NR2C2: variants seen among roughly 807,000 people sequenced by gnomAD.
NR2C2 encodes the protein nuclear receptor subfamily 2 group C member 2, also known as Nuclear hormone receptor TR4.
NR2C2 carries 6 observed loss-of-function variants against 62.9 expected under a neutral mutation model. The ratio of observed to expected loss-of-function variants is 0.10; its 90% confidence interval spans 0.05 to 0.19. NR2C2 has a LOEUF of 0.19. Among genes scored for constraint, NR2C2 ranks in the 10% least tolerant of loss-of-function variants. The pLI is 1.00. For synonymous variants in NR2C2, 272 were observed against 273.8 expected, an observed-to-expected ratio of 0.99 and a Z score of 0.07; for missense variants, 479 against 762.7, an observed-to-expected ratio of 0.63 and a Z score of 4.38.
At chr3:15,012,303 T>G (rs938388451) in intron 2 of NR2C2, among the ~76,000 whole-genome samples, 3 of 152,032 alleles carry the variant, frequency 2.0e-5, no homozygotes, top group Non-Finnish European at 4.4e-5. Flanking sequence ...CTCAGCTCAC[T>G]GCAAACTCTG....
intron 1 of NR2C2, among the ~76,000 whole-genome samples, chr3:15,002,484 T>A (rs2124922330): frequency 6.6e-6 from 1 of 152,196 alleles, no homozygotes; most frequent in South Asian, 2.1e-4. Context: ...TAGAGTTTTG[T>A]AGAGGATTGT....
Position 15,008,778 on chromosome 3 carries a change from C to T in NR2C2, c.72+4792C>T, listed in dbSNP as rs569511377. Among the ~76,000 whole-genome samples, 75 of 152,292 alleles carry T rather than the reference C, an allele frequency of 4.9e-4. No homozygotes were observed. In the Middle Eastern group the frequency reaches 0.034, roughly 69 times the overall value. On this transcript the variant is annotated intron_variant, in intron 2 of 13. Coordinates refer to ENST00000425241, the MANE Select transcript of NR2C2 (RefSeq NM_001291694.2). ...TGATGTGTGTTCCTGAAAATTCCCA[C>T]ACTTTGCCAAATTGTGTGATGAAAA...
At chr3:15,024,405 G>T (rs1271342641) in intron 7 of NR2C2, among the ~76,000 whole-genome samples, 197 bp downstream of exon 7, 2 of 152,196 alleles carry the variant, frequency 1.3e-5, no homozygotes, top group African/African-American at 4.8e-5. Flanking sequence ...GATCAGAGCT[G>T]GCTGGTCATA....
At position 15,044,795 on chromosome 3, in the gene NR2C2, A is replaced by G. The variant is rs897194195; in HGVS notation, c.*1787A>G. The G allele has an allele frequency of 6.6e-6, 1 of 152,274 alleles. No homozygotes were observed. Among genetic ancestry groups the G allele is most frequent in the East Asian group, 1.9e-4 (1 of 5,204 alleles). The allele number at this position is 152,274 out of a possible 1,614,324, so 9.4% of individuals were successfully genotyped here. A position where few individuals can be genotyped will look rare whatever the true frequency, so the allele number is the denominator to read the frequency against. ...TGTGGTGCCACATTGGACAGAATGG[A>G]AGCTGCTGCAGGCTCAAGGCAGAAC... On this transcript the variant is annotated 3_prime_UTR_variant, in exon 14 of 14. Transcript: ENST00000425241.
chr3:14,990,306 G>T (rs1365022291), intron 1 of NR2C2, among the ~76,000 whole-genome samples: 1 of 152,174 alleles, frequency 6.6e-6, no homozygotes, highest in Non-Finnish European at 1.5e-5. Context: ...AGGGGTGGAG[G>T]GAGAGAGAGT....
intron 8 of NR2C2, 115 bp from the exon 9 acceptor site, chr3:15,030,160 A>AAAAATACAAAAATTAGT: frequency 1.2e-6 from 1 of 867,418 alleles, no homozygotes; most frequent in Non-Finnish European, 1.7e-6. Context: ...CCCCATCTCT[A>AAAAATACAAAAATTAGT]CGGTAGAATT....
chr3:15,041,127 A>G (rs2042250582), intron 13 of NR2C2, among the ~76,000 whole-genome samples: 1 of 152,214 alleles, frequency 6.6e-6, no homozygotes. Context: ...GGGCTCAGAA[A>G]TTCACTCGAG....
At chr3:14,979,378 T>C (rs1319922238) in intron 1 of NR2C2, among the ~76,000 whole-genome samples, 2 of 152,250 alleles carry the variant, frequency 1.3e-5, no homozygotes, top group Admixed American at 1.3e-4. Flanking sequence ...GAGTGCTTAC[T>C]GTGTACTAGG....
rs987601242 is a variant in NR2C2 at position 15,001,439 on chromosome 3, A to G, written c.-39-2437A>G. Among the ~76,000 whole-genome samples, 5 of 150,446 alleles carry G rather than the reference A, an allele frequency of 3.3e-5. No homozygotes were observed. In the South Asian group the frequency reaches 6.3e-4, roughly 19 times the overall value. On this transcript the variant is annotated intron_variant, in intron 1 of 13. Coordinates refer to ENST00000425241, the MANE Select transcript of NR2C2 (RefSeq NM_001291694.2). ...AACCTCCGCCTCCTGGGTTCAAGCA[A>G]TTCTCCTGTCTCAGCCTCCTGAGTA... is the stretch of plus-strand genomic sequence containing the variant.
chr3:14,948,983 G>T (rs890235201), intron 1 of NR2C2, among the ~76,000 whole-genome samples: 2 of 152,160 alleles, frequency 1.3e-5, no homozygotes, highest in African/African-American at 4.8e-5. Context: ...ACTTGAAAAT[G>T]GTGTTATTGT....
chr3:14,987,837 G>C (rs2040552909), intron 1 of NR2C2, among the ~76,000 whole-genome samples: 2 of 152,100 alleles, frequency 1.3e-5, no homozygotes, highest in Admixed American at 6.6e-5. Flanking sequence ...ATATCATCTG[G>C]TTGTAATCAC....
At chr3:15,042,710 G>T (rs116393650) in intron 13 of NR2C2, 124 bp from the exon 14 acceptor site, 9,099 of 766,262 alleles carry the variant, frequency 0.012, 86 homozygotes, top group Non-Finnish European at 0.013. Context: ...AAAGAGAGGT[G>T]GGTGGATGGT....
At chr3:14,992,879 G>T (rs1162306330) in intron 1 of NR2C2, among the ~76,000 whole-genome samples, 1 of 152,150 alleles carries the variant, frequency 6.6e-6, no homozygotes. Flanking sequence ...CAGTTTTCCT[G>T]TCAAGGTAAA....
At chr3:15,021,276 T>C (rs2041661394) in intron 5 of NR2C2, among the ~76,000 whole-genome samples, 1 of 152,220 alleles carries the variant, frequency 6.6e-6, no homozygotes, top group Admixed American at 6.5e-5. Flanking sequence ...ACGTAGCCTC[T>C]CAGCCACAGG....
At chr3:14,952,526 A>G (rs962898161) in intron 1 of NR2C2, among the ~76,000 whole-genome samples, 1 of 152,210 alleles carries the variant, frequency 6.6e-6, no homozygotes, top group African/African-American at 2.4e-5. Context: ...CTAGACCCCA[A>G]GTCCAGCCTT....
chr3:14,950,020 A>G (rs2039302450), intron 1 of NR2C2, among the ~76,000 whole-genome samples: 1 of 152,242 alleles, frequency 6.6e-6, no homozygotes, highest in South Asian at 2.1e-4. Context: ...TTCCTTCCTG[A>G]ACTGAAGATT....
chr3:15,034,666 C>G lies in NR2C2; in HGVS notation c.1233-4C>G. ...CACACTCAGACTCCTTTCTATATTCCTAGGCAGGACTGCAACACCAGCCTT... is the reference window on the plus strand; with the variant it reads ...CACACTCAGACTCCTTTCTATATTCGTAGGCAGGACTGCAACACCAGCCTT... On this transcript the variant is annotated splice_polypyrimidine_tract_variant and splice_region_variant and intron_variant, in intron 10 of 13. Transcript: ENST00000425241. 1 of 1,613,726 alleles carries G rather than the reference C, an allele frequency of 6.2e-7. No individual in the cohort carries two copies.
At chr3:14,996,718 C>G (rs1224961576) in intron 1 of NR2C2, among the ~76,000 whole-genome samples, 1 of 152,178 alleles carries the variant, frequency 6.6e-6, no homozygotes, top group Non-Finnish European at 1.5e-5. Flanking sequence ...CTCCAGGCGC[C>G]CACCGCCATG....
chr3:15,024,307 C>T, intron 7 of NR2C2, 99 bp downstream of exon 7: 1 of 759,260 alleles, frequency 1.3e-6, no homozygotes. Context: ...CTTCAGAGAC[C>T]ACATCAAAAG....
Sources: gnomAD v4.1 joint callset for allele counts (sites outside exome capture counted in the v4.1 genomes callset) on GRCh38, gnomAD v4.1.1 for gene constraint, MANE v1.5 for transcripts, NCBI Gene and HGNC (gene_info 2026-07-23, HGNC 2026-07-21) for gene names.